The following DPP8 variants were observed in gnomAD, a reference collection of about 807,000 sequenced individuals.
DPP8 encodes DPP VIII.
Under a neutral mutation model 107.5 loss-of-function variants are expected in DPP8, and 31 were observed. The observed-to-expected ratio is 0.29, with a 90% confidence interval of 0.22 to 0.39. The LOEUF (loss-of-function observed/expected upper bound fraction) is 0.39. DPP8 is among the 10% of genes least tolerant of loss of function. DPP8 has a pLI of 1.00. For missense variants in DPP8, 842 were observed against 1,076.1 expected (o/e 0.78, Z 3.04); for synonymous variants, 381 against 356.6 (o/e 1.07, Z -0.77).
At position 65,443,731 on chromosome 15, in the gene DPP8, T is replaced by C. The variant is rs2063383802; in HGVS notation, c.*3153A>G. On this transcript the variant is annotated 3_prime_UTR_variant, in exon 20 of 20. Coordinates refer to ENST00000300141, the MANE Select transcript of DPP8 (RefSeq NM_130434.5). ...TAGTTACCACAGATGAGCAGCTTCA[T>C]GGACTACTGTTTAGGTTCTTGTGAA... 6.6e-6 allele frequency: 1 copy of C among 152,194 alleles called. No homozygotes were observed. Among genetic ancestry groups the C allele is most frequent in the Non-Finnish European group, 1.5e-5 (1 of 68,038 alleles). 9.4% of individuals were successfully genotyped at this position (152,194 alleles called of 1,614,324 possible).
intron 5 of DPP8, among the ~76,000 whole-genome samples, chr15:65,494,076 G>T (rs2068315014): frequency 6.7e-6 from 1 of 148,830 alleles, no homozygotes; most frequent in Non-Finnish European, 1.5e-5. Context: ...GAAACTAAGA[G>T]ATGGTTAAAT....
At chr15:65,470,197 A>G (rs2065744535) in intron 12 of DPP8, among the ~76,000 whole-genome samples, 1 of 50,026 alleles carries the variant, frequency 2.0e-5, no homozygotes, top group East Asian at 1.8e-3. Context: ...TCTTGTCTCA[A>G]AAAAAAAAAA....
At chr15:65,480,471 C>T (rs921394128) in intron 9 of DPP8, 72 bp from the exon 10 acceptor site, 20 of 1,064,426 alleles carry the variant, frequency 1.9e-5, no homozygotes, top group Non-Finnish European at 2.7e-5. Context: ...CTATTATCTC[C>T]TTTGGCACCT....
At chr15:65,462,021 T>C (rs964716636) in intron 15 of DPP8, among the ~76,000 whole-genome samples, 1 of 152,170 alleles carries the variant, frequency 6.6e-6, no homozygotes, top group Admixed American at 6.5e-5. Context: ...TGGGCTGCAG[T>C]GTAGTGGCAC....
At position 65,452,047 on chromosome 15, in the gene DPP8, G is replaced by A; in HGVS notation, c.2327C>T (p.Thr776Met). Residue 776 changes from threonine (T) to methionine (M), a missense_variant, in exon 18 of 20, where the codon ACG (threonine) becomes ATG (methionine). Coordinates refer to ENST00000300141, the MANE Select transcript of DPP8 (RefSeq NM_130434.5). Reference protein sequence around the residue: ...TLWIFYDTGYTERYMGHPDQN... With the variant: ...TLWIFYDTGYMERYMGHPDQN... ...GTCAGGGTGACCCATATAACGTTCC[G>A]TGTATCCTGTATCATAGAAGATCCA... 1.9e-6 allele frequency: 3 copies of A among 1,612,596 alleles called. No individual in the cohort carries two copies. Among genetic ancestry groups the A allele is most frequent in the South Asian group, 1.1e-5 (1 of 90,866 alleles).
chr15:65,493,714 T>A (rs2068274306), intron 5 of DPP8, among the ~76,000 whole-genome samples: 1 of 152,172 alleles, frequency 6.6e-6, no homozygotes, highest in Admixed American at 6.6e-5. Flanking sequence ...CCATTATTAT[T>A]TATTAAATGA....
intron 12 of DPP8, among the ~76,000 whole-genome samples, chr15:65,469,194 C>T (rs961191584): frequency 1.3e-5 from 2 of 151,506 alleles, no homozygotes; most frequent in African/African-American, 4.8e-5. Context: ...AGGCTGGTCT[C>T]GAACTCCTGA....
At chr15:65,504,949 T>C (rs1006415091) in intron 3 of DPP8, among the ~76,000 whole-genome samples, 9 of 151,912 alleles carry the variant, frequency 5.9e-5, no homozygotes, top group Non-Finnish European at 1.0e-4. Flanking sequence ...ACCACTGTAT[T>C]CCAACTTGGG....
Position 65,446,325 on chromosome 15 carries a change from TTATCC to T in DPP8, c.*554_*558del, listed in dbSNP as rs2140285324. 6.6e-6 allele frequency: 1 copy of T among 152,648 alleles called. No homozygotes were observed. Among genetic ancestry groups the T allele is most frequent in the East Asian group, 1.9e-4 (1 of 5,184 alleles). 9.5% of individuals were successfully genotyped at this position (152,648 alleles called of 1,614,324 possible). On this transcript the variant is annotated 3_prime_UTR_variant, in exon 20 of 20. Coordinates refer to ENST00000300141, the MANE Select transcript of DPP8 (RefSeq NM_130434.5). ...CAAGTGTCTTTAGGAGGCCACTAAG[TTATCC>T]TTGAAAAATTATTAATGAATGACTG... is the stretch of plus-strand genomic sequence containing the variant.
intron 19 of DPP8, among the ~76,000 whole-genome samples, chr15:65,447,458 C>G (rs2063559416): frequency 6.6e-6 from 1 of 152,196 alleles, no homozygotes; most frequent in South Asian, 2.1e-4. Context: ...CACCACCACA[C>G]ACTTCCAATA....
At chr15:65,470,001 A>G (rs1314149812) in intron 12 of DPP8, among the ~76,000 whole-genome samples, 2 of 151,758 alleles carry the variant, frequency 1.3e-5, no homozygotes, top group Non-Finnish European at 2.9e-5. Context: ...GTTCGAGACC[A>G]GCTTGGCCAA....
chr15:65,473,863 G>A (rs756855474), intron 12 of DPP8, among the ~76,000 whole-genome samples: 38 of 152,112 alleles, frequency 2.5e-4, no homozygotes, highest in Admixed American at 7.9e-4. Flanking sequence ...CAACACTTTG[G>A]GAGGCTGAGG....
chr15:65,451,274 G>A (rs2140332403), intron 18 of DPP8, among the ~76,000 whole-genome samples, 164 bp from the exon 19 acceptor site: 1 of 152,240 alleles, frequency 6.6e-6, no homozygotes, highest in Non-Finnish European at 1.5e-5. Context: ...TTAACCAGAT[G>A]CCACATGCAA....
chr15:65,463,443 G>C (rs2065081942), intron 15 of DPP8, among the ~76,000 whole-genome samples: 1 of 152,050 alleles, frequency 6.6e-6, no homozygotes, highest in Admixed American at 6.6e-5. Context: ...TTGGGAGGCT[G>C]AGGCAGAAGA....
At chr15:65,448,454 C>T (rs1485421050) in intron 19 of DPP8, among the ~76,000 whole-genome samples, 3 of 151,434 alleles carry the variant, frequency 2.0e-5, no homozygotes, top group Admixed American at 6.6e-5. Flanking sequence ...GTACAGATAA[C>T]GAGGTCAGAA....
chr15:65,497,839 G>A (rs747365476), intron 5 of DPP8, 25 bp downstream of exon 5: 2 of 1,423,372 alleles, frequency 1.4e-6, no homozygotes, highest in Admixed American at 2.4e-5. Context: ...GTTCAGAAAA[G>A]TAAATCTGAA....
At chr15:65,506,827 A>G (rs1209713968) in intron 3 of DPP8, among the ~76,000 whole-genome samples, 1 of 151,418 alleles carries the variant, frequency 6.6e-6, no homozygotes, top group East Asian at 1.9e-4. Flanking sequence ...ATTTTACATA[A>G]ATGGAATTAT....
In DPP8 at chr15:65,442,756, TATGAA is replaced by T. The variant is rs1186452035; in HGVS notation, c.*4123_*4127del. 5 of 152,224 alleles carry T rather than the reference TATGAA, an allele frequency of 3.3e-5. No individual in the cohort carries two copies. Among genetic ancestry groups the T allele is most frequent in the Non-Finnish European group, 7.3e-5 (5 of 68,044 alleles). The allele number at this position is 152,224 out of a possible 1,614,324, so 9.4% of individuals were successfully genotyped here. ...ACTTTTTCTTTATCTGTAAAGGACTTATGAAATGATCACCTAGAGCCCAGGACCTT... is the reference window on the plus strand; with the variant it reads ...ACTTTTTCTTTATCTGTAAAGGACTTATGATCACCTAGAGCCCAGGACCTT... On this transcript the variant is annotated 3_prime_UTR_variant, in exon 20 of 20. Transcript: ENST00000300141.
intron 3 of DPP8, 70 bp downstream of exon 3, chr15:65,507,173 C>A: frequency 1.2e-6 from 1 of 831,008 alleles, no homozygotes; most frequent in South Asian, 2.4e-5. Flanking sequence ...ATATAAAATC[C>A]CAACCTCTAA....
Sources: allele counts gnomAD v4.1 joint callset (sites outside exome capture counted in the v4.1 genomes callset), GRCh38; gene constraint gnomAD v4.1.1; transcripts MANE v1.5; gene names NCBI Gene and HGNC (gene_info 2026-07-23, HGNC 2026-07-21).